TMEM87B: variants seen among roughly 807,000 people sequenced by gnomAD.
TMEM87B encodes transmembrane protein 87B.
TMEM87B carries 83 observed loss-of-function variants against 80.3 expected under a neutral mutation model. That is an observed-to-expected ratio of 1.03 (90% CI 0.87 to 1.24). The LOEUF (loss-of-function observed/expected upper bound fraction) is 1.24. TMEM87B is among the 50% of genes most tolerant of loss of function. TMEM87B has a pLI of 0.00. For missense variants in TMEM87B, 625 were observed against 674.4 expected, an observed-to-expected ratio of 0.93 and a Z score of 0.81; for synonymous variants, 219 against 230.5, an observed-to-expected ratio of 0.95 and a Z score of 0.45.
Position 112,055,500 on chromosome 2 carries a change from C to T in TMEM87B, c.-92C>T, listed in dbSNP as rs1164814899. The T allele has an allele frequency of 7.4e-6, 10 of 1,354,724 alleles. No individual in the cohort carries two copies. The highest frequency in any genetic ancestry group is 2.7e-4 in the Middle Eastern group (1 of 3,742). 83.9% of individuals were successfully genotyped at this position (1,354,724 alleles called of 1,614,324 possible). A position where few individuals can be genotyped will look rare whatever the true frequency, so the allele number is the denominator to read the frequency against. Reference sequence around the variant, plus strand: ...CCACACCCGAGTCCGAGCCCCGCGTCCCGGATTCGGACCCGCCTGCCTGGG... The same window carrying T: ...CCACACCCGAGTCCGAGCCCCGCGTTCCGGATTCGGACCCGCCTGCCTGGG... On this transcript the variant is annotated 5_prime_UTR_variant, in exon 1 of 19. Transcript: ENST00000283206.
At chr2:112,099,796 G>C (rs1177328139) in intron 14 of TMEM87B, among the ~76,000 whole-genome samples, 1 of 149,236 alleles carries the variant, frequency 6.7e-6, no homozygotes, top group Non-Finnish European at 1.5e-5. Context: ...AGGATGGCCT[G>C]AGCCCAGGAG....
rs942007493 is a variant in TMEM87B at position 112,119,108 on chromosome 2, T to C, written c.*2965T>C. On this transcript the variant is annotated 3_prime_UTR_variant, in exon 19 of 19. Transcript: ENST00000283206. Reference sequence around the variant, plus strand: ...TCAGTACTGCATGAAGAGACTTCATTAAAACTAAGAAAACATTTATTTGGG... The same window carrying C: ...TCAGTACTGCATGAAGAGACTTCATCAAAACTAAGAAAACATTTATTTGGG... 3 of 152,204 alleles carry C rather than the reference T, an allele frequency of 2.0e-5. No homozygotes were observed. Among genetic ancestry groups the C allele is most frequent in the Non-Finnish European group, 4.4e-5 (3 of 68,008 alleles). 9.4% of individuals were successfully genotyped at this position (152,204 alleles called of 1,614,324 possible). A position where few individuals can be genotyped will look rare whatever the true frequency, so the allele number is the denominator to read the frequency against.
At chr2:112,063,189 G>C (rs150218944) in intron 2 of TMEM87B, among the ~76,000 whole-genome samples, 1 of 152,342 alleles carries the variant, frequency 6.6e-6, no homozygotes, top group Non-Finnish European at 1.5e-5. Context: ...GTGACTGATA[G>C]AGCATGGTGG....
At chr2:112,099,324 C>G (rs1460284381) in intron 14 of TMEM87B, among the ~76,000 whole-genome samples, 2 of 151,998 alleles carry the variant, frequency 1.3e-5, no homozygotes, top group Non-Finnish European at 2.9e-5. Flanking sequence ...GGACAGGATA[C>G]TCAAAGGAAG....
chr2:112,097,002 C>G lies in TMEM87B; in HGVS notation c.1105-42C>G, dbSNP rs1210835118. 5.4e-6 allele frequency: 7 copies of G among 1,285,904 alleles called. No individual in the cohort carries two copies. The African/African-American group carries it at 9.1e-5, about 17-fold the overall frequency. 79.7% of individuals were successfully genotyped at this position (1,285,904 alleles called of 1,614,324 possible). A position where few individuals can be genotyped will look rare whatever the true frequency, so the allele number is the denominator to read the frequency against. ...GAAGATTCTGTTTTTTTTTTTTAAC[C>G]TCTTATTATTACTTGGAATGTTTTT... On this transcript the variant is annotated intron_variant, in intron 11 of 18. Transcript: ENST00000283206.
chr2:112,096,196 G>A (rs1679464149), intron 11 of TMEM87B, among the ~76,000 whole-genome samples: 1 of 152,038 alleles, frequency 6.6e-6, no homozygotes, highest in Non-Finnish European at 1.5e-5. Context: ...TATATCCACT[G>A]ATCGATCTGA....
intron 15 of TMEM87B, among the ~76,000 whole-genome samples, chr2:112,102,318 A>G (rs1376633476): frequency 6.6e-6 from 1 of 152,236 alleles, no homozygotes; most frequent in African/African-American, 2.4e-5. Flanking sequence ...AAAGACAATC[A>G]TGATCAAGTG....
chr2:112,089,509 T>C, intron 9 of TMEM87B, 116 bp from the exon 10 acceptor site: 3 of 886,504 alleles, frequency 3.4e-6, no homozygotes, highest in Non-Finnish European at 5.5e-6. Flanking sequence ...GGGAACAGAC[T>C]GATGTGATTA....
At chr2:112,058,326 T>C (rs1337393040) in intron 1 of TMEM87B, among the ~76,000 whole-genome samples, 1 of 152,186 alleles carries the variant, frequency 6.6e-6, no homozygotes, top group Non-Finnish European at 1.5e-5. Context: ...CAAGGACCTG[T>C]GTTGGCCAAG....
intron 8 of TMEM87B, among the ~76,000 whole-genome samples, chr2:112,084,367 A>AT (rs1679085555): frequency 6.6e-6 from 1 of 152,194 alleles, no homozygotes. Context: ...AGCTACAGAC[A>AT]TATATATCCA....
At chr2:112,067,897 T>C (rs1355764411) in intron 4 of TMEM87B, among the ~76,000 whole-genome samples, 3 of 152,216 alleles carry the variant, frequency 2.0e-5, no homozygotes, top group African/African-American at 7.2e-5. Context: ...CCTACCAGTG[T>C]GGGAGCTTAG....
intron 4 of TMEM87B, among the ~76,000 whole-genome samples, chr2:112,067,593 C>A (rs558159266): frequency 6.6e-6 from 1 of 151,796 alleles, no homozygotes; most frequent in Non-Finnish European, 1.5e-5. Flanking sequence ...AGCGAGACTC[C>A]GTCTCAAAAA....
intron 1 of TMEM87B, among the ~76,000 whole-genome samples, chr2:112,057,070 A>G (rs1678097194): frequency 6.6e-6 from 1 of 152,216 alleles, no homozygotes; most frequent in South Asian, 2.1e-4. Context: ...TTCTTCCTGC[A>G]TGAGGAAGAG....
At chr2:112,088,990 A>C (rs975229813) in intron 9 of TMEM87B, among the ~76,000 whole-genome samples, 4 of 152,146 alleles carry the variant, frequency 2.6e-5, no homozygotes, top group African/African-American at 9.7e-5. Context: ...CGAACTCCTG[A>C]GCTCAAGTAA....
In TMEM87B at chr2:112,060,131, A is replaced by G. The variant is rs922543841; in HGVS notation, c.226+94A>G. The G allele has an allele frequency of 5.0e-5, 66 of 1,328,084 alleles. 1 individual carries two copies. The African/African-American group carries it at 9.1e-4, about 18-fold the overall frequency. The allele number at this position is 1,328,084 out of a possible 1,614,324, so 82.3% of individuals were successfully genotyped here. On this transcript the variant is annotated intron_variant, in intron 2 of 18. Coordinates refer to ENST00000283206, the MANE Select transcript of TMEM87B (RefSeq NM_032824.3). ...GGGAGGCCGAGGCAGGTGGATCACAAGGTCGGGAGTTCAGGACGAGCCTGG... is the reference window on the plus strand; with the variant it reads ...GGGAGGCCGAGGCAGGTGGATCACAGGGTCGGGAGTTCAGGACGAGCCTGG...
chr2:112,089,982 T>G (rs1679254371), intron 10 of TMEM87B, among the ~76,000 whole-genome samples: 2 of 152,268 alleles, frequency 1.3e-5, no homozygotes, highest in South Asian at 4.1e-4. Context: ...GGTTCATGGT[T>G]GTTCTTCATA....
intron 15 of TMEM87B, among the ~76,000 whole-genome samples, chr2:112,105,607 A>G (rs1410108090): frequency 6.6e-6 from 1 of 152,190 alleles, no homozygotes; most frequent in African/African-American, 2.4e-5. Context: ...GCACATTTCA[A>G]AATTTGTACA....
At chr2:112,056,752 TATCTTTCTGG>T (rs1239047765) in intron 1 of TMEM87B, among the ~76,000 whole-genome samples, 1 of 152,198 alleles carries the variant, frequency 6.6e-6, no homozygotes, top group East Asian at 1.9e-4. Flanking sequence ...ACACGCTGGG[TATCTTTCTGG>T]ATCTTTTAAG....
chr2:112,107,444 G>A (rs1160582790), intron 16 of TMEM87B, among the ~76,000 whole-genome samples: 9 of 151,304 alleles, frequency 5.9e-5, no homozygotes, highest in Admixed American at 5.9e-4. Flanking sequence ...GAACAAATTA[G>A]GAGGCATAAT....
Sources: gnomAD v4.1 joint callset for allele counts (sites outside exome capture counted in the v4.1 genomes callset) on GRCh38, gnomAD v4.1.1 for gene constraint, MANE v1.5 for transcripts, NCBI Gene and HGNC (gene_info 2026-07-23, HGNC 2026-07-21) for gene names.